Variants in CADPS observed in about 807,000 individuals in gnomAD.
The protein encoded by CADPS is calcium dependent secretion activator, also known as calcium-dependent secretion activator 1.
CADPS carries 57 observed loss-of-function variants against 167.3 expected under a neutral mutation model. The ratio of observed to expected loss-of-function variants is 0.34; its 90% CI spans 0.28 to 0.42. CADPS has a LOEUF of 0.42. Among genes scored for constraint, CADPS ranks in the 20% least tolerant of loss-of-function variants. The probability of loss-of-function intolerance (pLI) is 1.00; values close to 1 mark genes in which losing one functional copy is unlikely to be tolerated. For missense variants in CADPS, 1,414 were observed against 1,738.1 expected, an observed-to-expected ratio of 0.81 and a Z score of 3.32; for synonymous variants, 676 against 635.3, an observed-to-expected ratio of 1.06 and a Z score of -0.96.
chr3:62,506,305 T>C (rs1040057508), intron 17 of CADPS, among the ~76,000 whole-genome samples: 1 of 152,074 alleles, frequency 6.6e-6, no homozygotes, highest in Non-Finnish European at 1.5e-5. Context: ...GGAGAATCTC[T>C]TGGACCCGGG....
At chr3:62,833,588 G>A (rs966550142) in intron 1 of CADPS, among the ~76,000 whole-genome samples, 1 of 152,060 alleles carries the variant, frequency 6.6e-6, no homozygotes, top group Non-Finnish European at 1.5e-5. Context: ...CATTATCAAT[G>A]TTCTGGGGTT....
chr3:62,784,829 T>G (rs1017672661), intron 1 of CADPS, among the ~76,000 whole-genome samples: 2 of 151,966 alleles, frequency 1.3e-5, no homozygotes, highest in Admixed American at 1.3e-4. Flanking sequence ...ATCAATCCAT[T>G]GCAATGTATG....
intron 26 of CADPS, among the ~76,000 whole-genome samples, chr3:62,456,946 C>G (rs1011168415): frequency 2.0e-5 from 3 of 152,212 alleles, no homozygotes; most frequent in South Asian, 2.1e-4. Flanking sequence ...CAAGCAGACT[C>G]TAGCATATCA....
intron 1 of CADPS, among the ~76,000 whole-genome samples, chr3:62,844,486 T>C (rs2077092948): frequency 6.6e-6 from 1 of 152,194 alleles, no homozygotes; most frequent in Non-Finnish European, 1.5e-5. Flanking sequence ...CCTTTCCTTT[T>C]ACACTTTACT....
intron 4 of CADPS, among the ~76,000 whole-genome samples, chr3:62,652,401 A>C (rs1432896919): frequency 4.5e-3 from 71 of 15,806 alleles, no homozygotes; most frequent in African/African-American, 0.019. Context: ...TGTGTGGCCA[A>C]AAAAAAAAAA....
chr3:62,790,201 A>G (rs2092811475), intron 1 of CADPS, among the ~76,000 whole-genome samples: 1 of 152,206 alleles, frequency 6.6e-6, no homozygotes, highest in African/African-American at 2.4e-5. Context: ...ATATATTTTT[A>G]TAAATTATGG....
chr3:62,564,374 G>C (rs1231262194), intron 9 of CADPS, among the ~76,000 whole-genome samples: 1 of 152,124 alleles, frequency 6.6e-6, no homozygotes, highest in East Asian at 1.9e-4. Flanking sequence ...CTGAGCCTTA[G>C]TTTCCTCTAA....
At position 62,446,379 on chromosome 3, in the gene CADPS, A is replaced by G. The variant is rs558017538; in HGVS notation, c.3637-582T>C. On this transcript the variant is annotated intron_variant, in intron 26 of 29. Coordinates refer to ENST00000383710, the MANE Select transcript of CADPS (RefSeq NM_003716.4). This position sits in a 1 kb window ranked among gnomAD's most constrained non-coding sequence, Gnocchi z 4.9. ...GCTAAAAATTCCAGATGGGAAGTGC[A>G]GGAAGTGGTTATAAAATTTTTAGTT... Among the ~76,000 whole-genome samples, 1 of 152,276 alleles carries G rather than the reference A, an allele frequency of 6.6e-6. No individual in the cohort carries two copies. The highest frequency in any genetic ancestry group is 1.9e-4 in the East Asian group (1 of 5,180).
chr3:62,590,840 A>G (rs779058893), intron 7 of CADPS, among the ~76,000 whole-genome samples: 3 of 151,704 alleles, frequency 2.0e-5, no homozygotes, highest in African/African-American at 4.8e-5. Context: ...TAAAATTTAT[A>G]TTTATTTATT....
intron 3 of CADPS, among the ~76,000 whole-genome samples, chr3:62,680,428 G>C (rs907127668): frequency 6.6e-6 from 1 of 152,004 alleles, no homozygotes; most frequent in African/African-American, 2.4e-5. Flanking sequence ...GGCTCTTCCA[G>C]GCATTTAGGC....
chr3:62,499,481 C>A, intron 17 of CADPS: 1 of 386,098 alleles, frequency 2.6e-6, no homozygotes, highest in Non-Finnish European at 4.8e-6. Context: ...AAAAGCAGTG[C>A]TCCAGCTTCA....
chr3:62,557,450 G>A lies in CADPS; in HGVS notation c.1708C>T (p.Leu570=). Residue 570 remains leucine (L), a synonymous_variant, in exon 10 of 30, where the codon CTA becomes TTA. Coordinates refer to ENST00000383710, the MANE Select transcript of CADPS (RefSeq NM_003716.4). Reference sequence around the variant, plus strand: ...TCCACAGTGTAGCCATCCAATTGTAGAAGTTCCTGAGGCTCCGCTTTCTTC... The same window carrying A: ...TCCACAGTGTAGCCATCCAATTGTAAAAGTTCCTGAGGCTCCGCTTTCTTC... ...REKKAEPQEL[L]QLDGYTVDYT... 6.2e-7 allele frequency: 1 copy of A among 1,614,080 alleles called. No individual in the cohort carries two copies.
intron 16 of CADPS, among the ~76,000 whole-genome samples, chr3:62,513,397 T>C (rs1337788072): frequency 2.0e-5 from 3 of 152,002 alleles, no homozygotes; most frequent in African/African-American, 7.2e-5. Flanking sequence ...AGAGAATAAC[T>C]GAAAAACTTA....
chr3:62,814,802 A>C (rs1410124524), intron 1 of CADPS, among the ~76,000 whole-genome samples: 1 of 152,192 alleles, frequency 6.6e-6, no homozygotes, highest in Non-Finnish European at 1.5e-5. Flanking sequence ...CATGAAACTT[A>C]ATTGTTAAGC....
rs1322282562 is a variant in CADPS, at chr3:62,458,320, T to C, written c.3636+7047A>G. On this transcript the variant is annotated intron_variant, in intron 26 of 29. Transcript: ENST00000383710. The surrounding 1 kb of genome is among the most constrained non-coding windows in gnomAD (Gnocchi z 4.6). ...AGAAACGGTCAATAGCCTGCCTACG[T>C]TTCTGTTAGTCTGGGCTTCACAGTC... Among the ~76,000 whole-genome samples the C allele has an allele frequency of 6.6e-6, 1 of 152,098 alleles. No individual in the cohort carries two copies. Among genetic ancestry groups the C allele is most frequent in the Non-Finnish European group, 1.5e-5 (1 of 68,016 alleles).
intron 17 of CADPS, among the ~76,000 whole-genome samples, chr3:62,503,829 C>A (rs866165943): frequency 6.6e-6 from 1 of 152,182 alleles, no homozygotes; most frequent in African/African-American, 2.4e-5. Flanking sequence ...TCCTTCAGTA[C>A]AGGCACAGAG....
intron 1 of CADPS, among the ~76,000 whole-genome samples, chr3:62,808,843 A>T (rs1172123777): frequency 1.3e-5 from 2 of 152,118 alleles, no homozygotes; most frequent in Non-Finnish European, 2.9e-5. Context: ...TGGATGGTGG[A>T]GTACAATATG....
chr3:62,744,115 T>C (rs965847532), intron 3 of CADPS, among the ~76,000 whole-genome samples: 1 of 152,142 alleles, frequency 6.6e-6, no homozygotes, highest in African/African-American at 2.4e-5. Context: ...TACTAAAATG[T>C]AGGTACAAAT....
chr3:62,683,018 A>G (rs540720587), intron 3 of CADPS, among the ~76,000 whole-genome samples: 5 of 152,218 alleles, frequency 3.3e-5, no homozygotes, highest in Non-Finnish European at 5.9e-5. Context: ...GCATGTCTCA[A>G]TGGCCTGTGG....
Sources: allele counts gnomAD v4.1 joint callset (sites outside exome capture counted in the v4.1 genomes callset), GRCh38; gene constraint gnomAD v4.1.1; non-coding constraint Gnocchi (gnomAD v3.1); transcripts MANE v1.5; gene names NCBI Gene and HGNC (gene_info 2026-07-23, HGNC 2026-07-21).